ABHD2: variants seen among roughly 807,000 people sequenced by gnomAD.
ABHD2 encodes abhydrolase domain containing 2, acylglycerol lipase.
Under a neutral mutation model 48.1 loss-of-function variants are expected in ABHD2, and 20 were observed. That is an observed-to-expected ratio of 0.42 (90% CI 0.29 to 0.60). The LOEUF is 0.60. ABHD2 is among the 20% of genes least tolerant of loss of function. The pLI is 0.24. For synonymous variants in ABHD2, 209 were observed against 214.2 expected (o/e 0.98, Z 0.21); for missense variants, 405 against 550.9 (o/e 0.74, Z 2.65).
rs2050854541 is a variant in ABHD2, at chr15:89,167,424, T to G, written c.539-8388T>G. 6.6e-6 allele frequency among the ~76,000 whole-genome samples: 1 copy of G among 152,152 alleles called. No homozygotes were observed. Among genetic ancestry groups the G allele is most frequent in the South Asian group, 2.1e-4 (1 of 4,828 alleles). ...AGTTTGCAGAACTCAGACATCGTAG[T>G]AAAACACCTGGCAAGATCGTCTGCT... On this transcript the variant is annotated intron_variant, in intron 5 of 10. Transcript: ENST00000352732. This position sits in a 1 kb window ranked among gnomAD's most constrained non-coding sequence, Gnocchi z 5.5.
At chr15:89,061,975 G>A in the ABHD2 span, among the ~76,000 whole-genome samples, 1 of 152,170 alleles carries the variant, frequency 6.6e-6, no homozygotes, top group Non-Finnish European at 1.5e-5. Context: ...ATGATCAGGA[G>A]GCTGAAGCTA....
Position 89,195,374 on chromosome 15 carries a change from A to G in ABHD2, c.1229A>G (p.Asn410Ser), listed in dbSNP as rs773060963. 4 of 1,614,186 alleles carry G rather than the reference A, an allele frequency of 2.5e-6. No individual in the cohort carries two copies. Among genetic ancestry groups the G allele is most frequent in the Non-Finnish European group, 3.4e-6 (4 of 1,180,036 alleles). The change falls in exon 11 of 11, where the codon AAC becomes AGC. Residue 410 changes from asparagine (N) to serine (S), a missense_variant. By Grantham distance (46) the Asn-to-Ser change is conservative (BLOSUM62 1). Coordinates refer to ENST00000352732, the MANE Select transcript of ABHD2 (RefSeq NM_152924.5). This position sits in a 1 kb window ranked among gnomAD's most constrained non-coding sequence, Gnocchi z 5.1. ...AACGCCATTTGCCAATGGGAGCGTA[A>G]CAAGTTGCAGTGCTCTGACACGGAG... ...YANAICQWERNKLQCSDTEQV... is the reference protein window; with the variant it reads ...YANAICQWERSKLQCSDTEQV...
intron 5 of ABHD2, among the ~76,000 whole-genome samples, chr15:89,156,439 A>G (rs556787483): frequency 6.6e-6 from 1 of 152,096 alleles, no homozygotes; most frequent in Non-Finnish European, 1.5e-5. Context: ...GTCTTTTTCA[A>G]AAGCATCTGT....
chr15:89,075,619 G>A, the ABHD2 span, among the ~76,000 whole-genome samples: 3 of 152,288 alleles, frequency 2.0e-5, no homozygotes, highest in South Asian at 6.2e-4. The surrounding 1 kb of genome is among the most constrained non-coding windows in gnomAD (Gnocchi z 4.1). Context: ...GAGTTTGAAT[G>A]TTATCATTTG....
In ABHD2 at chr15:89,090,437, C is replaced by T. The variant is rs541861684; in HGVS notation, c.-107+1874C>T. Reference sequence around the variant, plus strand: ...CTTTTTGTACATTTTTCTTCATATCCACCACCCAATACTCTATCAAGAGCT... The same window carrying T: ...CTTTTTGTACATTTTTCTTCATATCTACCACCCAATACTCTATCAAGAGCT... On this transcript the variant is annotated intron_variant, in intron 1 of 10. Transcript: ENST00000352732. 10 of 152,200 alleles carry T rather than the reference C, an allele frequency of 6.6e-5. No individual in the cohort carries two copies. The South Asian group carries it at 1.2e-3, about 19-fold the overall frequency. The allele number at this position is 152,200 out of a possible 1,614,324, so 9.4% of individuals were successfully genotyped here. A position where few individuals can be genotyped will look rare whatever the true frequency, so the allele number is the denominator to read the frequency against.
At chr15:89,158,208 C>T (rs893914) in intron 5 of ABHD2, among the ~76,000 whole-genome samples, 58,873 of 151,956 alleles carry the variant, frequency 0.39, 12,131 homozygotes, top group East Asian at 0.78. Context: ...CCCATGGGAC[C>T]GTAAAATTCT....
At chr15:89,115,887 C>T (rs1596077187) in intron 2 of ABHD2, among the ~76,000 whole-genome samples, 1 of 152,170 alleles carries the variant, frequency 6.6e-6, no homozygotes, top group East Asian at 1.9e-4. Context: ...ACACCTGGGG[C>T]ACCAGGTGCA....
intron 3 of ABHD2, among the ~76,000 whole-genome samples, chr15:89,124,332 G>C (rs143118883): frequency 1.3e-5 from 2 of 152,340 alleles, no homozygotes; most frequent in Non-Finnish European, 2.9e-5. Context: ...GGAGCTTTGA[G>C]ATGGACAGTT....
chr15:89,120,471 G>A lies in ABHD2; in HGVS notation c.194+3950G>A, dbSNP rs1176883167. Among the ~76,000 whole-genome samples the A allele has an allele frequency of 6.6e-6, 1 of 151,870 alleles. No individual in the cohort carries two copies. Among genetic ancestry groups the A allele is most frequent in the East Asian group, 1.9e-4 (1 of 5,190 alleles). On this transcript the variant is annotated intron_variant, in intron 3 of 10. Transcript: ENST00000352732. The surrounding 1 kb of genome is among the most constrained non-coding windows in gnomAD (Gnocchi z 4.2). ...GAGCACACAAAAATTATCTATAAAT[G>A]TTATAGCTCTTTCTTTTTTCTTTTT...
At chr15:89,128,776 C>G (rs1254612672) in intron 3 of ABHD2, among the ~76,000 whole-genome samples, 4 of 152,012 alleles carry the variant, frequency 2.6e-5, no homozygotes, top group Admixed American at 2.0e-4. Flanking sequence ...TAGCAGAGAG[C>G]CCTATGGTCT....
chr15:89,060,734 G>A, the ABHD2 span, among the ~76,000 whole-genome samples: 2 of 151,826 alleles, frequency 1.3e-5, no homozygotes, highest in African/African-American at 2.4e-5. Context: ...CACTTGAAAC[G>A]TATAAGAATA....
chr15:89,076,303 T>C, the ABHD2 span, among the ~76,000 whole-genome samples: 7 of 152,228 alleles, frequency 4.6e-5, no homozygotes, highest in Non-Finnish European at 1.0e-4. Context: ...GGCCAATCTT[T>C]CATCTCAACA....
the ABHD2 span, among the ~76,000 whole-genome samples, chr15:89,073,327 G>C: frequency 6.6e-6 from 1 of 152,302 alleles, no homozygotes; most frequent in African/African-American, 2.4e-5. Context: ...AGACAGTCTT[G>C]CTCTGTTGCC....
chr15:89,163,925 A>G (rs2050799214), intron 5 of ABHD2, among the ~76,000 whole-genome samples: 1 of 152,226 alleles, frequency 6.6e-6, no homozygotes, highest in Non-Finnish European at 1.5e-5. Context: ...GCAGTCTCGC[A>G]GTCTAGTCCT....
intron 1 of ABHD2, among the ~76,000 whole-genome samples, chr15:89,095,619 A>C (rs1211077719): frequency 6.6e-6 from 1 of 152,204 alleles, no homozygotes; most frequent in Non-Finnish European, 1.5e-5. Context: ...TACTAAATCC[A>C]TGATTTGGTA....
Position 89,175,388 on chromosome 15 carries a change from G to C in ABHD2, c.539-424G>C, listed in dbSNP as rs2050995982. The stretch of plus-strand genomic sequence containing the variant: ...TACAAGGACACACCTGTAGTGTGTA[G>C]AGGTGGGGTCTCACCATTTTGTCCA... On this transcript the variant is annotated intron_variant, in intron 5 of 10. Transcript: ENST00000352732. This position sits in a 1 kb window ranked among gnomAD's most constrained non-coding sequence, Gnocchi z 5.7. Among the ~76,000 whole-genome samples the C allele has an allele frequency of 6.6e-6, 1 of 152,168 alleles. No individual in the cohort carries two copies. The highest frequency in any genetic ancestry group is 2.1e-4 in the South Asian group (1 of 4,832).
the ABHD2 span, among the ~76,000 whole-genome samples, chr15:89,062,262 T>C: frequency 6.6e-6 from 1 of 151,934 alleles, no homozygotes; most frequent in Non-Finnish European, 1.5e-5. Context: ...AAGTTTGCTG[T>C]TTGTCAGGAA....
rs1469380866 is a variant in ABHD2, at chr15:89,179,938, T to C, written c.722+3943T>C. Among the ~76,000 whole-genome samples the C allele has an allele frequency of 1.3e-5, 2 of 152,208 alleles. No individual in the cohort carries two copies. Among genetic ancestry groups the C allele is most frequent in the African/African-American group, 4.8e-5 (2 of 41,456 alleles). On this transcript the variant is annotated intron_variant, in intron 6 of 10. Transcript: ENST00000352732. The surrounding 1 kb of genome is among the most constrained non-coding windows in gnomAD (Gnocchi z 4.3). ...GGCAGGTACCACTTTTCCTGCCAAA[T>C]GGTGGGGATATTGTCTCTCTTGCTT...
At chr15:89,044,010 G>A in the ABHD2 span, among the ~76,000 whole-genome samples, 49 of 151,672 alleles carry the variant, frequency 3.2e-4, no homozygotes, top group East Asian at 1.9e-3. Flanking sequence ...CCACTAACTC[G>A]TCATCTAGCA....
Sources: allele counts gnomAD v4.1 joint callset (sites outside exome capture counted in the v4.1 genomes callset), GRCh38; gene constraint gnomAD v4.1.1; non-coding constraint Gnocchi (gnomAD v3.1); transcripts MANE v1.5; gene names NCBI Gene and HGNC (gene_info 2026-07-23, HGNC 2026-07-21).